The following NLGN1 variants were observed in gnomAD, a reference collection of about 807,000 sequenced individuals.
NLGN1 encodes neuroligin-1.
NLGN1 carries 12 observed loss-of-function variants against 65.5 expected under a neutral mutation model. The observed-to-expected ratio is 0.18, with a 90% CI of 0.12 to 0.30. The LOEUF (loss-of-function observed/expected upper bound fraction) is 0.30. Among genes scored for constraint, NLGN1 ranks in the 10% least tolerant of loss-of-function variants. The probability of loss-of-function intolerance (pLI) is 1.00; values close to 1 mark genes in which losing one functional copy is unlikely to be tolerated. For missense variants in NLGN1, 750 were observed against 1,007.1 expected, an observed-to-expected ratio of 0.74 and a Z score of 3.46; for synonymous variants, 350 against 359.5, an observed-to-expected ratio of 0.97 and a Z score of 0.30.
At position 173,755,836 on chromosome 3, in the gene NLGN1, C is replaced by G. The variant is rs148202399; in HGVS notation, c.494-51844C>G. Reference sequence around the variant, plus strand: ...CAGCAAACATTTTTGGGGTGTTTAGCAAATTTAAGTGCATTAACAGTTTTC... The same window carrying G: ...CAGCAAACATTTTTGGGGTGTTTAGGAAATTTAAGTGCATTAACAGTTTTC... On this transcript the variant is annotated intron_variant, in intron 3 of 6. Transcript: ENST00000457714. 3.5e-3 allele frequency among the ~76,000 whole-genome samples: 536 copies of G among 152,116 alleles called. 3 individuals carry two copies. The highest frequency in any genetic ancestry group is 0.012 in the African/African-American group (506 of 41,504).
intron 4 of NLGN1, among the ~76,000 whole-genome samples, chr3:174,247,616 C>T (rs1165784685): frequency 6.6e-6 from 1 of 152,210 alleles, no homozygotes; most frequent in Non-Finnish European, 1.5e-5. Context: ...TCTATAGCCT[C>T]TTGGTAGTTG....
intron 2 of NLGN1, among the ~76,000 whole-genome samples, chr3:173,598,543 G>A (rs1242292238): frequency 2.6e-5 from 4 of 152,200 alleles, no homozygotes; most frequent in Middle Eastern, 3.4e-3. Context: ...TGCTAGGAAC[G>A]TGTAATGGCT....
At chr3:173,700,025 C>T (rs1766886097) in intron 3 of NLGN1, among the ~76,000 whole-genome samples, 1 of 152,190 alleles carries the variant, frequency 6.6e-6, no homozygotes, top group South Asian at 2.1e-4. Context: ...TTCTTCCCAT[C>T]ACAAGGACAA....
intron 3 of NLGN1, among the ~76,000 whole-genome samples, chr3:173,722,768 T>C (rs1771072185): frequency 6.6e-6 from 1 of 152,216 alleles, no homozygotes; most frequent in Admixed American, 6.5e-5. Flanking sequence ...TTAATGATAA[T>C]GTTAATATCA....
At chr3:173,774,548 A>G (rs2150284255) in intron 3 of NLGN1, among the ~76,000 whole-genome samples, 1 of 152,308 alleles carries the variant, frequency 6.6e-6, no homozygotes, top group Non-Finnish European at 1.5e-5. Context: ...CATACTCCAA[A>G]TAGCTGTGCT....
At chr3:173,515,995 A>G (rs1269756245) in intron 2 of NLGN1, among the ~76,000 whole-genome samples, 2 of 151,980 alleles carry the variant, frequency 1.3e-5, no homozygotes, top group African/African-American at 2.4e-5. Flanking sequence ...TTTTTTCTAC[A>G]TTTAATGAGA....
At chr3:174,022,736 A>T (rs1355509966) in intron 4 of NLGN1, among the ~76,000 whole-genome samples, 2 of 151,930 alleles carry the variant, frequency 1.3e-5, no homozygotes, top group African/African-American at 4.8e-5. Context: ...TTTTCGTTTG[A>T]TGCAGGGGGT....
At chr3:174,119,173 C>T (rs1435481580) in intron 4 of NLGN1, among the ~76,000 whole-genome samples, 2 of 152,034 alleles carry the variant, frequency 1.3e-5, no homozygotes, top group African/African-American at 4.8e-5. Flanking sequence ...TTCTTTTACC[C>T]ACAGCACATC....
At chr3:173,636,119 G>A (rs1577662126) in intron 3 of NLGN1, among the ~76,000 whole-genome samples, 1 of 152,054 alleles carries the variant, frequency 6.6e-6, no homozygotes, top group African/African-American at 2.4e-5. Flanking sequence ...AGAACTTAAC[G>A]ATGGTATTTA....
intron 4 of NLGN1, among the ~76,000 whole-genome samples, chr3:173,955,141 G>A (rs1033784192): frequency 6.6e-6 from 1 of 151,910 alleles, no homozygotes; most frequent in Non-Finnish European, 1.5e-5. Context: ...GATATTCATA[G>A]AATTATCATA....
chr3:173,433,021 A>G (rs914695340), intron 1 of NLGN1, among the ~76,000 whole-genome samples: 7 of 152,168 alleles, frequency 4.6e-5, no homozygotes, highest in African/African-American at 1.4e-4. Flanking sequence ...ATGAGTTTGC[A>G]CTAATACCTA....
chr3:174,035,787 C>A (rs1353234811), intron 4 of NLGN1, among the ~76,000 whole-genome samples: 2 of 152,086 alleles, frequency 1.3e-5, no homozygotes, highest in Non-Finnish European at 2.9e-5. Flanking sequence ...TAAGAAAGAG[C>A]TTATAGTATT....
chr3:173,586,262 C>CT (rs1178013793), intron 2 of NLGN1, among the ~76,000 whole-genome samples: 2 of 151,942 alleles, frequency 1.3e-5, no homozygotes, highest in Non-Finnish European at 1.5e-5. Context: ...AAAGTGTTAC[C>CT]TTTTTTCAGG....
At chr3:174,165,979 G>A (rs898573729) in intron 4 of NLGN1, among the ~76,000 whole-genome samples, 5 of 152,006 alleles carry the variant, frequency 3.3e-5, no homozygotes, top group African/African-American at 1.2e-4. Flanking sequence ...TAGTTTATAT[G>A]TGTAGAGGTG....
At chr3:173,975,947 C>T (rs1717338627) in intron 4 of NLGN1, among the ~76,000 whole-genome samples, 1 of 152,032 alleles carries the variant, frequency 6.6e-6, no homozygotes, top group Non-Finnish European at 1.5e-5. Flanking sequence ...GTACCTTCAG[C>T]ACCTAATATA....
chr3:174,086,021 A>G (rs558916317), intron 4 of NLGN1, among the ~76,000 whole-genome samples: 145 of 152,120 alleles, frequency 9.5e-4, no homozygotes, highest in African/African-American at 3.3e-3. Context: ...TAAAATCATT[A>G]ATATTTATGC....
At chr3:174,075,150 G>A (rs1740650033) in intron 4 of NLGN1, among the ~76,000 whole-genome samples, 1 of 151,862 alleles carries the variant, frequency 6.6e-6, no homozygotes, top group Non-Finnish European at 1.5e-5. Context: ...CCTGAATTCT[G>A]GTGGCATTTA....
intron 3 of NLGN1, among the ~76,000 whole-genome samples, chr3:173,666,570 T>A (rs1356449925): frequency 6.6e-6 from 1 of 152,182 alleles, no homozygotes; most frequent in Non-Finnish European, 1.5e-5. Flanking sequence ...GGATGTCTCC[T>A]TATAGAAATC....
chr3:174,025,057 A>G (rs547924203), intron 4 of NLGN1, among the ~76,000 whole-genome samples: 1 of 152,312 alleles, frequency 6.6e-6, no homozygotes, highest in South Asian at 2.1e-4. Flanking sequence ...GTCGTTTAGT[A>G]TATGCCTACT....
Sources: gnomAD v4.1 joint callset for allele counts (sites outside exome capture counted in the v4.1 genomes callset) on GRCh38, gnomAD v4.1.1 for gene constraint, MANE v1.5 for transcripts, NCBI Gene and HGNC (gene_info 2026-07-23, HGNC 2026-07-21) for gene names.